Variants in FBXO3 observed in about 807,000 individuals in gnomAD.
The protein encoded by FBXO3 is F-box only protein 3.
FBXO3 carries 17 observed loss-of-function variants against 64.8 expected under a neutral mutation model. That is an observed-to-expected ratio of 0.26 (90% CI 0.18 to 0.39). FBXO3 has a LOEUF of 0.39. Ranked by LOEUF, FBXO3 falls within the 10% of genes least tolerant of loss-of-function variation. The pLI is 1.00. For synonymous variants in FBXO3, 182 were observed against 201.6 expected, an observed-to-expected ratio of 0.90 and a Z score of 0.82; for missense variants, 420 against 589.9, an observed-to-expected ratio of 0.71 and a Z score of 2.98.
Position 33,750,652 on chromosome 11 carries a change from G to A in FBXO3, c.819C>T (p.His273=), listed in dbSNP as rs1227895110. 9 of 1,612,484 alleles carry A rather than the reference G, an allele frequency of 5.6e-6. No individual in the cohort carries two copies. Among genetic ancestry groups the A allele is most frequent in the Admixed American group, 1.7e-5 (1 of 59,902 alleles). Reference sequence around the variant, plus strand: ...CAGTTGTTGCTACACATTCTGGATCGTGAACATATCTAGGTAATTTAAAAA... The same window carrying A: ...CAGTTGTTGCTACACATTCTGGATCATGAACATATCTAGGTAATTTAAAAA... The part of the protein sequence containing the change: ...IIRDQIFRYV[H]DPECVATTGD... The change falls in exon 8 of 11, where the codon CAC becomes CAT. Residue 273 remains histidine, a synonymous_variant. Transcript: ENST00000265651.
chr11:33,742,145 T>C lies in FBXO3; in HGVS notation c.1240-61A>G, dbSNP rs952418565. 135 of 1,409,990 alleles carry C rather than the reference T, an allele frequency of 9.6e-5. 1 individual carries two copies. The highest frequency in any genetic ancestry group is 1.2e-4 in the Non-Finnish European group (129 of 1,073,432). The allele number at this position is 1,409,990 out of a possible 1,614,324, so 87.3% of individuals were successfully genotyped here. ...ATCTATCAGTTTTTTAGTTATTTCATGTAAATTCTCATTTATCTAGAATTC... is the reference window on the plus strand; with the variant it reads ...ATCTATCAGTTTTTTAGTTATTTCACGTAAATTCTCATTTATCTAGAATTC... On this transcript the variant is annotated intron_variant, in intron 10 of 10. Coordinates refer to ENST00000265651, the MANE Select transcript of FBXO3 (RefSeq NM_012175.4).
intron 3 of FBXO3, among the ~76,000 whole-genome samples, chr11:33,762,134 C>T (rs940365776): frequency 6.6e-6 from 1 of 152,118 alleles, no homozygotes; most frequent in East Asian, 1.9e-4. Flanking sequence ...GATCATTATA[C>T]CAGGCATGTA....
chr11:33,768,782 G>A (rs928527495), intron 3 of FBXO3, 69 bp downstream of exon 3: 55 of 1,557,182 alleles, frequency 3.5e-5, no homozygotes, highest in Non-Finnish European at 4.4e-5. Context: ...GAGATTCAAA[G>A]TTGTTTAAAC....
chr11:33,748,617 C>T (rs1854875456), intron 9 of FBXO3, among the ~76,000 whole-genome samples, 160 bp downstream of exon 9: 1 of 152,082 alleles, frequency 6.6e-6, no homozygotes, highest in Non-Finnish European at 1.5e-5. Flanking sequence ...AAATCAATCC[C>T]TGAATAATTA....
At chr11:33,749,695 C>T (rs541121522) in intron 8 of FBXO3, among the ~76,000 whole-genome samples, 10 of 152,290 alleles carry the variant, frequency 6.6e-5, no homozygotes, top group African/African-American at 2.4e-4. Flanking sequence ...TTTCCCAATG[C>T]TATCACTTTC....
Position 33,752,411 on chromosome 11 carries a change from A to G in FBXO3, c.725-804T>C, listed in dbSNP as rs74625250. Among the ~76,000 whole-genome samples, 7 of 152,182 alleles carry G rather than the reference A, an allele frequency of 4.6e-5. No homozygotes were observed. The South Asian group carries it at 1.2e-3, about 27-fold the overall frequency. ...GTCCTTTAATTAATGTTGTTCAACAATGAATTTCTTTGTAATCTGGTTTCA... is the reference window on the plus strand; with the variant it reads ...GTCCTTTAATTAATGTTGTTCAACAGTGAATTTCTTTGTAATCTGGTTTCA... On this transcript the variant is annotated intron_variant, in intron 6 of 10. Transcript: ENST00000265651.
intron 9 of FBXO3, 45 bp from the exon 10 acceptor site, chr11:33,747,365 T>G: frequency 6.8e-7 from 1 of 1,461,268 alleles, no homozygotes; most frequent in Non-Finnish European, 9.5e-7. Flanking sequence ...AAAATTCATT[T>G]CTTTATTACA....
At chr11:33,769,058 T>C in intron 2 of FBXO3, 44 bp from the exon 3 acceptor site, 1 of 1,473,876 alleles carries the variant, frequency 6.8e-7, no homozygotes, top group Non-Finnish European at 9.2e-7. Context: ...TTTAAAATAA[T>C]ATTAGCATTT....
intron 10 of FBXO3, chr11:33,744,259 A>C (rs1169224963): frequency 6.6e-6 from 1 of 152,198 alleles, no homozygotes; most frequent in African/African-American, 2.4e-5. Flanking sequence ...GAAAACAGAA[A>C]AACTGTTAAA....
intron 6 of FBXO3, among the ~76,000 whole-genome samples, chr11:33,751,909 C>T (rs149212289): frequency 2.6e-5 from 4 of 152,100 alleles, no homozygotes; most frequent in African/African-American, 4.8e-5. Context: ...CATTGTGGTA[C>T]AAGAATGAAA....
chr11:33,746,927 G>A (rs1366554042), intron 10 of FBXO3: 6 of 1,428,954 alleles, frequency 4.2e-6, no homozygotes, highest in Non-Finnish European at 5.4e-6. Flanking sequence ...CTTTAAAACA[G>A]CAGAAATTCT....
At chr11:33,770,167 C>A (rs917198058) in intron 2 of FBXO3, among the ~76,000 whole-genome samples, 1 of 152,086 alleles carries the variant, frequency 6.6e-6, no homozygotes, top group African/African-American at 2.4e-5. Flanking sequence ...CTTTTTCCTC[C>A]CAATGTTTGA....
intron 1 of FBXO3, chr11:33,774,094 G>A (rs1564997775): frequency 3.1e-6 from 1 of 317,944 alleles, no homozygotes; most frequent in East Asian, 1.0e-4. Flanking sequence ...GAGCGCGGCG[G>A]TGCGGCACGA....
At position 33,748,905 on chromosome 11, in the gene FBXO3, A is replaced by G; in HGVS notation, c.933-13T>C. 1.3e-6 allele frequency: 2 copies of G among 1,572,992 alleles called. No individual in the cohort carries two copies. The highest frequency in any genetic ancestry group is 1.7e-6 in the Non-Finnish European group (2 of 1,142,912). On this transcript the variant is annotated splice_polypyrimidine_tract_variant and intron_variant, in intron 8 of 10. Coordinates refer to ENST00000265651, the MANE Select transcript of FBXO3 (RefSeq NM_012175.4). ...TGACATTTCAATCCTAGAGAAGGGA[A>G]TGGGGTGGTAGAGACAAAAATCTGG... is the stretch of plus-strand genomic sequence containing the variant.
At chr11:33,759,254 G>A (rs1425777143) in intron 3 of FBXO3, among the ~76,000 whole-genome samples, 1 of 152,206 alleles carries the variant, frequency 6.6e-6, no homozygotes, top group African/African-American at 2.4e-5. Context: ...AGGGGTCCAG[G>A]AGAAGAGAGA....
chr11:33,747,111 A>G lies in FBXO3; in HGVS notation c.1239+19T>C, dbSNP rs1394109542. ...CTACAAAGTCATGTAAATCAGCACT[A>G]GAGGAAAATTTAACTTACCAATCGG... On this transcript the variant is annotated intron_variant, in intron 10 of 10. Coordinates refer to ENST00000265651, the MANE Select transcript of FBXO3 (RefSeq NM_012175.4). The G allele has an allele frequency of 6.2e-7, 1 of 1,608,254 alleles. No homozygotes were observed. The highest frequency in any genetic ancestry group is 8.5e-7 in the Non-Finnish European group (1 of 1,178,796).
intron 3 of FBXO3, among the ~76,000 whole-genome samples, chr11:33,761,354 TTAAAG>T (rs1426737535): frequency 1.3e-5 from 2 of 152,048 alleles, no homozygotes; most frequent in Non-Finnish European, 1.5e-5. Context: ...AAGACACATC[TTAAAG>T]TAAATACAGA....
intron 10 of FBXO3, 30 bp from the exon 11 acceptor site, chr11:33,742,114 A>AAGAGC: frequency 6.7e-7 from 1 of 1,492,050 alleles, no homozygotes; most frequent in Non-Finnish European, 8.9e-7. Context: ...TTTTGATAAG[A>AAGAGC]AGAGCATCTA....
intron 2 of FBXO3, among the ~76,000 whole-genome samples, chr11:33,769,780 G>T (rs1262807979): frequency 6.6e-6 from 1 of 151,402 alleles, no homozygotes; most frequent in East Asian, 1.9e-4. Context: ...ATGCCTGAGT[G>T]GATGATGCTG....
Sources: allele counts gnomAD v4.1 joint callset (sites outside exome capture counted in the v4.1 genomes callset), GRCh38; gene constraint gnomAD v4.1.1; transcripts MANE v1.5; gene names NCBI Gene and HGNC (gene_info 2026-07-23, HGNC 2026-07-21).